The following CSMD1 variants were observed in gnomAD, a reference collection of about 807,000 sequenced individuals.
CSMD1 encodes CUB and Sushi multiple domains 1.
A neutral mutation model predicts 417.5 loss-of-function variants in CSMD1; 213 were observed. That is an observed-to-expected ratio of 0.51 (90% confidence interval 0.46 to 0.57). The LOEUF (loss-of-function observed/expected upper bound fraction) is 0.57. Among genes scored for constraint, CSMD1 ranks in the 20% least tolerant of loss-of-function variants. The probability of loss-of-function intolerance (pLI) is 0.00; values close to 1 mark genes in which losing one functional copy is unlikely to be tolerated. For missense variants in CSMD1, 6,923 were observed against 4,529.7 expected, an observed-to-expected ratio of 1.53 and a Z score of -15.17; for synonymous variants, 2,862 against 1,736.8, an observed-to-expected ratio of 1.65 and a Z score of -16.11.
chr8:3,062,998 A>C (rs1417372691), intron 49 of CSMD1, among the ~76,000 whole-genome samples: 1 of 152,214 alleles, frequency 6.6e-6, no homozygotes, highest in Non-Finnish European at 1.5e-5. Flanking sequence ...GGAGGAACGT[A>C]AAGTGACACT....
chr8:4,022,831 A>AT, intron 4 of CSMD1, among the ~76,000 whole-genome samples: 1 of 152,210 alleles, frequency 6.6e-6, no homozygotes, highest in East Asian at 2.0e-4. Context: ...AGTGGTCTTC[A>AT]GAAAGAAGAA....
intron 3 of CSMD1, among the ~76,000 whole-genome samples, chr8:4,043,318 G>A (rs933185253): frequency 2.6e-5 from 4 of 151,914 alleles, no homozygotes; most frequent in African/African-American, 7.3e-5. Flanking sequence ...ATAAAAAGAA[G>A]AGGAAAAAAG....
chr8:4,456,346 ATGT>A (rs1303052160), intron 2 of CSMD1, among the ~76,000 whole-genome samples: 1 of 152,222 alleles, frequency 6.6e-6, no homozygotes, highest in Admixed American at 6.5e-5. Flanking sequence ...GAGCAGGAAC[ATGT>A]TGGTAAAAAT....
intron 1 of CSMD1, among the ~76,000 whole-genome samples, chr8:4,774,942 G>T (rs1796773481): frequency 6.6e-6 from 1 of 152,130 alleles, no homozygotes; most frequent in Admixed American, 6.5e-5. Flanking sequence ...TGTACAGCCT[G>T]CAAAACCTTG....
intron 22 of CSMD1, 40 bp from the exon 23 acceptor site, chr8:3,343,490 C>T (rs156075): frequency 0.91 from 1,422,998 of 1,570,132 alleles, 647,830 homozygotes; most frequent in East Asian, 1. Context: ...TATGCCTTCA[C>T]TGGATTCTTA....
intron 3 of CSMD1, among the ~76,000 whole-genome samples, chr8:4,322,895 G>A (rs914826543): frequency 2.0e-5 from 3 of 152,222 alleles, no homozygotes; most frequent in Admixed American, 6.5e-5. Flanking sequence ...TGAGGCAGGA[G>A]AATCGCTTGA....
At chr8:4,671,112 C>G (rs940976123) in intron 1 of CSMD1, among the ~76,000 whole-genome samples, 6 of 152,190 alleles carry the variant, frequency 3.9e-5, no homozygotes, top group African/African-American at 1.4e-4. Flanking sequence ...GAAAAACTAG[C>G]TGCATTTGCA....
intron 1 of CSMD1, among the ~76,000 whole-genome samples, chr8:4,694,545 A>G (rs1806992968): frequency 6.6e-6 from 1 of 151,718 alleles, no homozygotes; most frequent in Admixed American, 6.6e-5. Flanking sequence ...GGGTATTTTT[A>G]GTAGAGACGG....
intron 3 of CSMD1, among the ~76,000 whole-genome samples, chr8:4,047,957 G>T (rs973524793): frequency 6.6e-6 from 1 of 152,108 alleles, no homozygotes; most frequent in African/African-American, 2.4e-5. Flanking sequence ...ATGTCATGTT[G>T]AGTCCTTAGG....
chr8:3,899,976 G>T (rs1397876961), intron 5 of CSMD1, among the ~76,000 whole-genome samples: 1 of 152,244 alleles, frequency 6.6e-6, no homozygotes, highest in Non-Finnish European at 1.5e-5. Context: ...CACTGGGCTT[G>T]TTGAGCTGCA....
intron 42 of CSMD1, among the ~76,000 whole-genome samples, chr8:3,110,601 A>G (rs575177226): frequency 2.1e-4 from 32 of 152,238 alleles, no homozygotes; most frequent in Non-Finnish European, 4.0e-4. Flanking sequence ...TTATTCTTCT[A>G]TGCCTCAAAT....
chr8:4,030,850 G>C (rs1025149527), intron 4 of CSMD1, among the ~76,000 whole-genome samples: 1 of 152,144 alleles, frequency 6.6e-6, no homozygotes, highest in Non-Finnish European at 1.5e-5. Flanking sequence ...TTGCTGCTTA[G>C]AAATTTATTC....
At chr8:3,140,205 C>T (rs1180277255) in intron 41 of CSMD1, among the ~76,000 whole-genome samples, 2 of 152,038 alleles carry the variant, frequency 1.3e-5, no homozygotes, top group South Asian at 2.1e-4. Flanking sequence ...ACACCCAGCC[C>T]CGATTACCCT....
intron 12 of CSMD1, among the ~76,000 whole-genome samples, chr8:3,416,253 G>T (rs74954229): frequency 7.2e-4 from 106 of 148,134 alleles, no homozygotes; most frequent in Non-Finnish European, 1.4e-3. Context: ...CAGTGAACCG[G>T]GACTGCGCAA....
intron 3 of CSMD1, among the ~76,000 whole-genome samples, chr8:4,417,645 G>A (rs1206301037): frequency 1.3e-5 from 2 of 151,860 alleles, no homozygotes; most frequent in Non-Finnish European, 2.9e-5. Flanking sequence ...TACTTGGTGG[G>A]TCAAATAACA....
At chr8:3,534,680 G>T (rs988505912) in intron 10 of CSMD1, among the ~76,000 whole-genome samples, 1 of 152,172 alleles carries the variant, frequency 6.6e-6, no homozygotes. Context: ...GAAAACCATT[G>T]TGTACATCCT....
chr8:4,818,119 G>A (rs996083489), intron 1 of CSMD1, among the ~76,000 whole-genome samples: 1 of 152,008 alleles, frequency 6.6e-6, no homozygotes, highest in Non-Finnish European at 1.5e-5. Context: ...ACTAAAAGTC[G>A]GGAAGCCTAC....
chr8:3,731,879 A>C (rs2129047797), intron 6 of CSMD1, among the ~76,000 whole-genome samples: 1 of 152,326 alleles, frequency 6.6e-6, no homozygotes, highest in East Asian at 1.9e-4. Flanking sequence ...AGGAAACTAA[A>C]GCTTAGAGCA....
intron 12 of CSMD1, among the ~76,000 whole-genome samples, chr8:3,413,611 A>C (rs1563364166): frequency 6.6e-6 from 1 of 152,166 alleles, no homozygotes; most frequent in African/African-American, 2.4e-5. Context: ...GCGATGTTTC[A>C]TTTGGGGGAA....
Sources: gnomAD v4.1 joint callset for allele counts (sites outside exome capture counted in the v4.1 genomes callset) on GRCh38, gnomAD v4.1.1 for gene constraint, MANE v1.5 for transcripts, NCBI Gene and HGNC (gene_info 2026-07-23, HGNC 2026-07-21) for gene names.